Variants in LOXHD1 observed in about 807,000 individuals in gnomAD.
The protein encoded by LOXHD1 is lipoxygenase homology PLAT domains 1, also known as lipoxygenase homology domain-containing protein 1.
Under a neutral mutation model 248.2 loss-of-function variants are expected in LOXHD1, and 205 were observed. That is an observed-to-expected ratio of 0.83 (90% CI 0.74 to 0.93). LOXHD1 has a LOEUF of 0.93. Among genes scored for constraint, LOXHD1 ranks in the 40% least tolerant of loss-of-function variants. LOXHD1 has a pLI of 0.00. For synonymous variants in LOXHD1, 1,113 were observed against 1,162.8 expected (o/e 0.96, Z 0.87); for missense variants, 2,930 against 2,971.6 (o/e 0.99, Z 0.33).
chr18:46,586,877 G>A (rs1212675445), intron 12 of LOXHD1, among the ~76,000 whole-genome samples: 1 of 152,178 alleles, frequency 6.6e-6, no homozygotes, highest in Non-Finnish European at 1.5e-5. Flanking sequence ...TCAGTAATAT[G>A]ACCATTTTAT....
In LOXHD1 at chr18:46,477,856, G is replaced by T. The variant is rs1192000491; in HGVS notation, c.6438C>A (p.Ser2146Arg). Residue 2146 changes from serine to arginine, a missense_variant, in exon 41 of 41, where the codon AGC becomes AGA. Transcript: ENST00000642948. The part of the protein sequence containing the change: ...EVTKTTESFA[S>R]KVQSLVPVKY... ...TGACGGGCACCAGGCTCTGGACCTTGCTGGCAAAGCTCTCTGTCGTCTTGG... is the reference window on the plus strand; with the variant it reads ...TGACGGGCACCAGGCTCTGGACCTTTCTGGCAAAGCTCTCTGTCGTCTTGG... The T allele has an allele frequency of 1.9e-6, 3 of 1,551,800 alleles. No individual in the cohort carries two copies.
In LOXHD1 at chr18:46,579,762, C is replaced by T. The variant is rs2037928080; in HGVS notation, c.1677G>A (p.Val559=). 1.3e-6 allele frequency: 2 copies of T among 1,551,712 alleles called. No individual in the cohort carries two copies. Among genetic ancestry groups the T allele is most frequent in the South Asian group, 2.4e-5 (2 of 84,060 alleles). ...CAGCACCTTCAAGTTCACCTGTGCA[C>T]ACAGTCACATGGTACCGGGCCACTG... ...IMGMARYHVT[V]CTGELEGAGT... Residue 559 remains valine (V), a synonymous_variant, in exon 13 of 41, where the codon GTG becomes GTA. Transcript: ENST00000642948.
At chr18:46,519,034 T>C in intron 33 of LOXHD1, 1 of 985,520 alleles carries the variant, frequency 1.0e-6, no homozygotes. Flanking sequence ...CAGCCTGCTC[T>C]TCCTGGTGTG....
At chr18:46,554,745 A>C (rs987212100) in intron 21 of LOXHD1, among the ~76,000 whole-genome samples, 3 of 152,232 alleles carry the variant, frequency 2.0e-5, no homozygotes, top group Non-Finnish European at 4.4e-5. Flanking sequence ...GACTCTATTC[A>C]CAAGAGCAAT....
rs2035753431 is a variant in LOXHD1 at position 46,524,851 on chromosome 18, T to C, written c.4597A>G (p.Asn1533Asp). ...TACCAGTCTGCGCACCACTTGGAGT[T>C]GTCATGGCGGAGCTTGATCTTGTAG... ...VIYKIKLRHDNSKWCADWYVE... is the reference protein window; with the variant it reads ...VIYKIKLRHDDSKWCADWYVE... Residue 1533 changes from asparagine (N) to aspartate (D), a missense_variant, in exon 30 of 41, where the codon AAC (asparagine) becomes GAC (aspartate). By Grantham distance (23) the Asn-to-Asp change is conservative (BLOSUM62 1). Coordinates refer to ENST00000642948, the MANE Select transcript of LOXHD1 (RefSeq NM_001384474.1). 6.4e-7 allele frequency: 1 copy of C among 1,551,612 alleles called. No homozygotes were observed. The highest frequency in any genetic ancestry group is 8.7e-7 in the Non-Finnish European group (1 of 1,147,006).
At chr18:46,648,858 G>A (rs2144398744) in intron 2 of LOXHD1, among the ~76,000 whole-genome samples, 1 of 152,310 alleles carries the variant, frequency 6.6e-6, no homozygotes, top group Non-Finnish European at 1.5e-5. Context: ...GAGAGACTGG[G>A]CCAAAGTCAC....
chr18:46,537,886 C>T (rs1251434252), intron 26 of LOXHD1, among the ~76,000 whole-genome samples: 3 of 152,138 alleles, frequency 2.0e-5, no homozygotes, highest in Non-Finnish European at 2.9e-5. Context: ...TAGAGAGGCC[C>T]GTTGGCTTTA....
rs761438585 is a variant in LOXHD1 at position 46,518,210 on chromosome 18, C to T, written c.5318G>A (p.Gly1773Asp). 3.2e-6 allele frequency: 5 copies of T among 1,551,486 alleles called. No individual in the cohort carries two copies. In the African/African-American group the frequency reaches 4.1e-5, roughly 13 times the overall value. Residue 1773 changes from glycine (G) to aspartate (D), a missense_variant, in exon 34 of 41, where the codon GGC becomes GAC. Gly to Asp is a moderately conservative substitution (Grantham distance 94). Transcript: ENST00000642948. ...TVWTGDVVGG[G>D]TDSNIFMTLY... ...GGTCATGAAGATGTTGGAGTCAGTG[C>T]CCCCGCCAACCACATCCCCTGTCCA... is the stretch of plus-strand genomic sequence containing the variant.
chr18:46,499,979 T>C (rs994140848), intron 37 of LOXHD1, among the ~76,000 whole-genome samples: 26 of 152,174 alleles, frequency 1.7e-4, no homozygotes, highest in South Asian at 2.1e-4. Flanking sequence ...TGGGATTTCA[T>C]GGCCAGTGAA....
chr18:46,634,936 G>A (rs1446637110), intron 4 of LOXHD1, among the ~76,000 whole-genome samples: 1 of 152,072 alleles, frequency 6.6e-6, no homozygotes, highest in African/African-American at 2.4e-5. Context: ...TGGTGAAGGT[G>A]GCAAATTTTA....
chr18:46,512,838 A>T (rs1368888485), intron 34 of LOXHD1, among the ~76,000 whole-genome samples: 1 of 152,200 alleles, frequency 6.6e-6, no homozygotes, highest in East Asian at 1.9e-4. Context: ...AGGGTCCTCA[A>T]TGGAATACTA....
At chr18:46,557,680 T>C (rs2037398910) in intron 20 of LOXHD1, among the ~76,000 whole-genome samples, 191 bp from the exon 21 acceptor site, 1 of 152,164 alleles carries the variant, frequency 6.6e-6, no homozygotes, top group South Asian at 2.1e-4. Flanking sequence ...TTTCCCTAAC[T>C]TGTCCCTGCC....
chr18:46,509,545 G>A, intron 35 of LOXHD1, 153 bp downstream of exon 35: 1 of 703,424 alleles, frequency 1.4e-6, no homozygotes, highest in Admixed American at 2.1e-5. Flanking sequence ...ATTAATTCAT[G>A]CCAAAGGGCA....
At chr18:46,513,519 C>T (rs2035085816) in intron 34 of LOXHD1, among the ~76,000 whole-genome samples, 1 of 152,186 alleles carries the variant, frequency 6.6e-6, no homozygotes, top group Admixed American at 6.5e-5. Context: ...GAGATCAACA[C>T]ATACACAAAA....
intron 37 of LOXHD1, among the ~76,000 whole-genome samples, chr18:46,498,358 T>G (rs1042917582): frequency 4.6e-5 from 7 of 152,318 alleles, no homozygotes; most frequent in African/African-American, 1.7e-4. Flanking sequence ...ATTGAGACCC[T>G]AGGGAAGTCT....
chr18:46,542,494 T>C (rs1209305838), intron 24 of LOXHD1, among the ~76,000 whole-genome samples: 1 of 152,182 alleles, frequency 6.6e-6, no homozygotes, highest in Non-Finnish European at 1.5e-5. Context: ...CTGGGGTTGA[T>C]AAAGGCTTTA....
chr18:46,602,233 T>C (rs938826443), intron 7 of LOXHD1, among the ~76,000 whole-genome samples: 1 of 152,060 alleles, frequency 6.6e-6, no homozygotes, highest in African/African-American at 2.4e-5. Flanking sequence ...TGAGACAGAG[T>C]CTCACTCTAT....
intron 2 of LOXHD1, among the ~76,000 whole-genome samples, chr18:46,646,358 G>C (rs2039030087): frequency 6.6e-6 from 1 of 152,192 alleles, no homozygotes; most frequent in Non-Finnish European, 1.5e-5. Context: ...TCCTCAGAAA[G>C]CAATGCCCCT....
At position 46,593,754 on chromosome 18, in the gene LOXHD1, G is replaced by C; in HGVS notation, c.1277C>G (p.Pro426Arg). ...GGTTGTCCAGACCCACAGGGACCAA[G>C]GGAATTCTGTAAGACAGATCAAGTT... ...SLRKKRLKKF[P>R]WSLWVWTTDL... The change falls in exon 10 of 41, where the codon CCT (proline) becomes CGT (arginine). Residue 426 changes from proline (P) to arginine (R), a missense_variant. Transcript: ENST00000642948. 8 of 1,551,816 alleles carry C rather than the reference G, an allele frequency of 5.2e-6. No homozygotes were observed. Among genetic ancestry groups the C allele is most frequent in the Non-Finnish European group, 6.1e-6 (7 of 1,146,980 alleles).
Sources: gnomAD v4.1 joint callset for allele counts (sites outside exome capture counted in the v4.1 genomes callset) on GRCh38, gnomAD v4.1.1 for gene constraint, MANE v1.5 for transcripts, NCBI Gene and HGNC (gene_info 2026-07-23, HGNC 2026-07-21) for gene names.